Variants in OPN5 observed in about 807,000 individuals in gnomAD.
OPN5 encodes the protein opsin-5.
OPN5 carries 18 observed loss-of-function variants against 41.7 expected under a neutral mutation model. That is an observed-to-expected ratio of 0.43 (90% confidence interval 0.30 to 0.64). OPN5 has a LOEUF of 0.64. Ranked by LOEUF, OPN5 falls within the 30% of genes least tolerant of loss-of-function variation. The pLI is 0.13. For synonymous variants in OPN5, 178 were observed against 164.3 expected (o/e 1.08, Z -0.64); for missense variants, 318 against 434.5 (o/e 0.73, Z 2.38).
chr6:47,802,372 T>C (rs780567483), intron 4 of OPN5, among the ~76,000 whole-genome samples: 25 of 152,134 alleles, frequency 1.6e-4, no homozygotes, highest in Non-Finnish European at 3.4e-4. Context: ...CAGTATCCTT[T>C]AAATAAATGT....
At chr6:47,785,998 A>C (rs1773179912) in intron 1 of OPN5, among the ~76,000 whole-genome samples, 1 of 152,066 alleles carries the variant, frequency 6.6e-6, no homozygotes, top group African/African-American at 2.4e-5. Context: ...GGAGATGTCC[A>C]TTTTCTTGAA....
At chr6:47,825,026 A>G (rs1762750556), downstream of OPN5, 1 of 152,190 alleles carries the variant, frequency 6.6e-6, no homozygotes, top group South Asian at 2.1e-4. Flanking sequence ...GGAAATTTAG[A>G]GAATAGAAAC....
chr6:47,789,839 G>T (rs530963973), intron 2 of OPN5, among the ~76,000 whole-genome samples: 16 of 152,226 alleles, frequency 1.1e-4, no homozygotes, highest in Middle Eastern at 6.8e-3. Context: ...AAACATTAAG[G>T]TTAGGGAACC....
intron 6 of OPN5, among the ~76,000 whole-genome samples, chr6:47,821,974 C>T (rs971147694): frequency 3.7e-4 from 56 of 151,840 alleles, no homozygotes; most frequent in Non-Finnish European, 2.6e-4. Context: ...TAGCTGGGCG[C>T]GGTGGCACGT....
chr6:47,797,910 G>C lies in OPN5; in HGVS notation c.756+2347G>C, dbSNP rs150075904. Among the ~76,000 whole-genome samples, 85 of 152,234 alleles carry C rather than the reference G, an allele frequency of 5.6e-4. 1 individual carries two copies. Among genetic ancestry groups the C allele is most frequent in the South Asian group, 3.9e-3 (19 of 4,818 alleles). On this transcript the variant is annotated intron_variant, in intron 4 of 6. Coordinates refer to ENST00000371211, the Ensembl canonical transcript of OPN5. The stretch of plus-strand genomic sequence containing the variant: ...TCTTGTCCTCTTGTGTATTCTTGAG[G>C]AGTGAGAAGCTTGTCTAGTCAATGC...
chr6:47,813,520 A>G (rs1296906430), intron 6 of OPN5, among the ~76,000 whole-genome samples: 2 of 152,168 alleles, frequency 1.3e-5, no homozygotes, highest in Non-Finnish European at 2.9e-5. Flanking sequence ...GAGCCAAATC[A>G]GACTCCAAAG....
At chr6:47,800,397 C>A (rs1273550638) in intron 4 of OPN5, among the ~76,000 whole-genome samples, 3 of 152,124 alleles carry the variant, frequency 2.0e-5, no homozygotes, top group Middle Eastern at 3.2e-3. Flanking sequence ...TCTTGAGCTG[C>A]GTCTGCCCAG....
At position 47,800,971 on chromosome 6, in the gene OPN5, A is replaced by C. The variant is rs569485092; in HGVS notation, c.756+5408A>C. ...ACAATGTTCCAGGTCTACAGTTATG[A>C]TACAGATCCCCTGGGCACCTGAATT... On this transcript the variant is annotated intron_variant, in intron 4 of 6. Transcript: ENST00000371211. Among the ~76,000 whole-genome samples, 14 of 152,324 alleles carry C rather than the reference A, an allele frequency of 9.2e-5. No homozygotes were observed. In the South Asian group the frequency reaches 2.9e-3, roughly 32 times the overall value.
intron 6 of OPN5, among the ~76,000 whole-genome samples, chr6:47,821,717 T>C (rs959483407): frequency 1.3e-4 from 20 of 152,214 alleles, no homozygotes; most frequent in Non-Finnish European, 2.4e-4. Flanking sequence ...GTACCTATAT[T>C]AGAGTTTCAT....
intron 6 of OPN5, among the ~76,000 whole-genome samples, chr6:47,814,583 G>A (rs866090999): frequency 6.6e-6 from 1 of 152,030 alleles, no homozygotes; most frequent in Admixed American, 6.6e-5. Flanking sequence ...AGAATTGATA[G>A]AGATGTGGTC....
intron 1 of OPN5, among the ~76,000 whole-genome samples, chr6:47,785,258 G>A (rs1384858932): frequency 3.9e-5 from 6 of 152,104 alleles, no homozygotes; most frequent in Non-Finnish European, 8.8e-5. Context: ...TGGTTTCCTT[G>A]AGTGAGACCT....
At chr6:47,799,725 G>A (rs971056345) in intron 4 of OPN5, among the ~76,000 whole-genome samples, 12 of 152,026 alleles carry the variant, frequency 7.9e-5, no homozygotes, top group African/African-American at 1.4e-4. Context: ...CCCTGACCCC[G>A]GGCCTTTGGT....
intron 4 of OPN5, among the ~76,000 whole-genome samples, chr6:47,799,344 A>G (rs1008838386): frequency 6.6e-6 from 1 of 152,100 alleles, no homozygotes; most frequent in Non-Finnish European, 1.5e-5. Flanking sequence ...TTCTTATTGG[A>G]CAGTCAAGAT....
intron 4 of OPN5, among the ~76,000 whole-genome samples, chr6:47,796,220 T>C (rs1214621069): frequency 1.3e-5 from 2 of 152,226 alleles, no homozygotes; most frequent in Non-Finnish European, 2.9e-5. Context: ...TTTAGCTTTC[T>C]TGAATCCCTA....
In OPN5 at chr6:47,786,648, G is replaced by A; in HGVS notation, c.250+14G>A. On this transcript the variant is annotated intron_variant, in intron 2 of 6. Coordinates refer to ENST00000371211, the Ensembl canonical transcript of OPN5. Reference sequence around the variant, plus strand: ...TGGGGATTTCAGGTAACACAACCATGCTGTGTTTTCTTTGTGGGTTTAAAC... The same window carrying A: ...TGGGGATTTCAGGTAACACAACCATACTGTGTTTTCTTTGTGGGTTTAAAC... The A allele has an allele frequency of 6.2e-7, 1 of 1,612,242 alleles. No individual in the cohort carries two copies. The highest frequency in any genetic ancestry group is 2.2e-5 in the East Asian group (1 of 44,854).
intron 6 of OPN5, among the ~76,000 whole-genome samples, chr6:47,819,353 A>ATATAT (rs1491208722): frequency 2.4e-5 from 2 of 84,866 alleles, no homozygotes; most frequent in South Asian, 4.4e-4. Context: ...ATATATATAT[A>ATATAT]AAAAATATAT....
At chr6:47,808,799 C>T (rs960707691) in intron 5 of OPN5, among the ~76,000 whole-genome samples, 1 of 152,036 alleles carries the variant, frequency 6.6e-6, no homozygotes, top group African/African-American at 2.4e-5. Flanking sequence ...TAGCTAAGGG[C>T]ATAAAAGTTG....
chr6:47,792,821 G>A (rs1051197419), intron 3 of OPN5, among the ~76,000 whole-genome samples: 4 of 152,102 alleles, frequency 2.6e-5, no homozygotes, highest in African/African-American at 7.2e-5. Context: ...AGCAGGGCCT[G>A]GAGACTGAGG....
At chr6:47,804,846 A>G (rs571228914) in intron 4 of OPN5, among the ~76,000 whole-genome samples, 1 of 152,374 alleles carries the variant, frequency 6.6e-6, no homozygotes, top group African/African-American at 2.4e-5. Flanking sequence ...TTTAAGAAGG[A>G]TAACATAATG....
Sources: allele counts gnomAD v4.1 joint callset (sites outside exome capture counted in the v4.1 genomes callset), GRCh38; gene constraint gnomAD v4.1.1; transcripts MANE v1.5; gene names NCBI Gene and HGNC (gene_info 2026-07-23, HGNC 2026-07-21).